HTT: variants seen among roughly 807,000 people sequenced by gnomAD.
The protein encoded by HTT is huntingtin, also known as huntington disease protein.
HTT carries 104 observed loss-of-function variants against 362.3 expected under a neutral mutation model. The ratio of observed to expected loss-of-function variants is 0.29; its 90% CI spans 0.24 to 0.34. The LOEUF is 0.34. Among genes scored for constraint, HTT ranks in the 10% least tolerant of loss-of-function variants. The pLI, the probability that HTT is intolerant of heterozygous loss-of-function variation, is 1.00. For synonymous variants in HTT, 1,577 were observed against 1,548.7 expected (o/e 1.02, Z -0.43); for missense variants, 3,301 against 3,928.6 (o/e 0.84, Z 4.27).
At chr4:3,172,516 G>T (rs1207869277) in intron 30 of HTT, 119 bp downstream of exon 30, 6 of 778,172 alleles carry the variant, frequency 7.7e-6, no homozygotes, top group Non-Finnish European at 1.4e-5. Context: ...GTGGGGTCCA[G>T]CGCAGCACTT....
chr4:3,157,180 C>G lies in HTT; in HGVS notation c.3734C>G (p.Ala1245Gly), dbSNP rs1452919225. The G allele has an allele frequency of 1.2e-6, 2 of 1,613,628 alleles. No individual in the cohort carries two copies. The highest frequency in any genetic ancestry group is 1.7e-6 in the Non-Finnish European group (2 of 1,179,784). Residue 1245 changes from alanine (A) to glycine (G), a missense_variant, in exon 28 of 67, where the codon GCT becomes GGT. By Grantham distance (60) the Ala-to-Gly change is moderately conservative. Transcript: ENST00000355072. Reference protein sequence around the residue: ...SYLKLHDVLKATHANYKVTLD... With the variant: ...SYLKLHDVLKGTHANYKVTLD... The stretch of plus-strand genomic sequence containing the variant: ...CTCAAACTGCATGATGTCCTGAAAG[C>G]TACACACGCTAACTACAAGGTATGG...
At chr4:3,234,491 AGCCCCAGAACAG>A (rs1219489498) in intron 61 of HTT, among the ~76,000 whole-genome samples, 1 of 152,238 alleles carries the variant, frequency 6.6e-6, no homozygotes, top group South Asian at 2.1e-4. Context: ...TTTGGGGGGC[AGCCCCAGAACAG>A]GCCCCAGACA....
intron 8 of HTT, among the ~76,000 whole-genome samples, chr4:3,118,196 G>A (rs1715124483): frequency 6.6e-6 from 1 of 152,092 alleles, no homozygotes; most frequent in South Asian, 2.1e-4. Flanking sequence ...CAGATTTAGT[G>A]TATATTTTAT....
rs369624996 is a variant in HTT at position 3,228,728 on chromosome 4, G to A, written c.7962G>A (p.Thr2654=). The A allele has an allele frequency of 5.0e-5, 79 of 1,595,236 alleles. No homozygotes were observed. Among genetic ancestry groups the A allele is most frequent in the Non-Finnish European group, 6.3e-5 (74 of 1,170,118 alleles). The change falls in exon 58 of 67, where the codon ACG becomes ACA. Residue 2654 remains threonine, a synonymous_variant. Coordinates refer to ENST00000355072, the MANE Select transcript of HTT (RefSeq NM_001388492.1). This position sits in a 1 kb window ranked among gnomAD's most constrained non-coding sequence, Gnocchi z 4.3. ...CCCCTGCACCTTCGTCACCACCCAC[G>A]TCTCCAGTCAACTCCAGGTTTTCCA... is the stretch of plus-strand genomic sequence containing the variant. The part of the protein sequence containing the change: ...ADAPAPSSPP[T]SPVNSRKHRA...
chr4:3,169,363 C>T (rs1717863903), intron 29 of HTT, among the ~76,000 whole-genome samples: 1 of 152,116 alleles, frequency 6.6e-6, no homozygotes, highest in East Asian at 1.9e-4. Context: ...TGCCTCCCTC[C>T]TTTTTTCCCT....
At chr4:3,101,177 G>T (rs1440583798) in intron 3 of HTT, among the ~76,000 whole-genome samples, 1 of 152,236 alleles carries the variant, frequency 6.6e-6, no homozygotes, top group Non-Finnish European at 1.5e-5. Context: ...GTCATTTAAT[G>T]TGTAAGTATT....
intron 40 of HTT, among the ~76,000 whole-genome samples, chr4:3,190,639 T>G (rs1718971628): frequency 6.6e-6 from 1 of 150,920 alleles, no homozygotes; most frequent in Non-Finnish European, 1.5e-5. Flanking sequence ...CAAGCTGTAG[T>G]GAGCCATGAT....
chr4:3,223,339 G>C lies in HTT; in HGVS notation c.7471-67G>C. On this transcript the variant is annotated intron_variant, in intron 54 of 66. Transcript: ENST00000355072. ...TCCCATTGAGGCAGGGAAGACTCTG[G>C]GTTCTGCAGGCAGAGGTGGTTGTGG... The C allele has an allele frequency of 6.9e-6, 10 of 1,447,950 alleles. 1 individual carries two copies. In the South Asian group the frequency reaches 1.4e-4, roughly 20 times the overall value. 89.7% of individuals were successfully genotyped at this position (1,447,950 alleles called of 1,614,324 possible). A position where few individuals can be genotyped will look rare whatever the true frequency, so the allele number is the denominator to read the frequency against.
intron 60 of HTT, among the ~76,000 whole-genome samples, chr4:3,231,706 G>A (rs1376829838): frequency 6.6e-6 from 1 of 152,070 alleles, no homozygotes; most frequent in African/African-American, 2.4e-5. Context: ...CTCTCTTCAC[G>A]GCGAACACCC....
At chr4:3,210,615 G>A (rs528800846) in intron 47 of HTT, among the ~76,000 whole-genome samples, 31 of 152,088 alleles carry the variant, frequency 2.0e-4, no homozygotes, top group Non-Finnish European at 4.1e-4. Context: ...GCAGTGGGGG[G>A]GCCACCTCTT....
chr4:3,121,207 C>T, intron 8 of HTT, 21 bp from the exon 9 acceptor site: 1 of 1,587,122 alleles, frequency 6.3e-7, no homozygotes, highest in Non-Finnish European at 8.7e-7. Context: ...GACCAGAACA[C>T]CTGTGTTTCT....
At chr4:3,097,358 G>A in intron 2 of HTT, among the ~76,000 whole-genome samples, 1 of 152,098 alleles carries the variant, frequency 6.6e-6, no homozygotes, top group Non-Finnish European at 1.5e-5. Flanking sequence ...TGAGGCAGGT[G>A]TGGTGGTTCA....
chr4:3,238,936 G>A lies in HTT; in HGVS notation c.9173G>A (p.Cys3058Tyr). Residue 3058 changes from cysteine to tyrosine, a missense_variant, in exon 66 of 67, where the codon TGC (cysteine) becomes TAC (tyrosine). Physicochemically the swap from Cys to Tyr is radical, Grantham distance 194. Transcript: ENST00000355072. ...GCCATGGCCACGTGGAGCCTCTCCT[G>A]CTTCTTTGTCAGCGCGTCCACCAGC... is the stretch of plus-strand genomic sequence containing the variant. ...PVAMATWSLS[C>Y]FFVSASTSPW... is the part of the protein sequence containing the mutation. 6.2e-7 allele frequency: 1 copy of A among 1,610,442 alleles called. No individual in the cohort carries two copies. Among genetic ancestry groups the A allele is most frequent in the Non-Finnish European group, 8.5e-7 (1 of 1,179,360 alleles).
intron 26 of HTT, among the ~76,000 whole-genome samples, chr4:3,150,893 G>A (rs1460670378): frequency 1.3e-5 from 2 of 152,152 alleles, no homozygotes; most frequent in African/African-American, 4.8e-5. Flanking sequence ...AAAAAAATTA[G>A]CCGGGTGTGG....
chr4:3,219,973 G>C (rs1439410996), intron 52 of HTT, among the ~76,000 whole-genome samples: 1 of 152,186 alleles, frequency 6.6e-6, no homozygotes, highest in African/African-American at 2.4e-5. Flanking sequence ...AAGTGGGAGG[G>C]CAGAGCAGAT....
At chr4:3,126,420 ACT>A (rs1233800105) in intron 11 of HTT, among the ~76,000 whole-genome samples, 1 of 152,200 alleles carries the variant, frequency 6.6e-6, no homozygotes, top group Non-Finnish European at 1.5e-5. Context: ...AACTGAAGGT[ACT>A]AATAACTGGA....
chr4:3,203,089 T>C (rs1411694352), intron 41 of HTT: 1 of 152,238 alleles, frequency 6.6e-6, no homozygotes, highest in Non-Finnish European at 1.5e-5. Flanking sequence ...TAAAGTTCTG[T>C]CGCGTGTTGC....
chr4:3,242,456 AT>A lies in HTT; in HGVS notation c.*2398del, dbSNP rs1242405863. 2 of 152,252 alleles carry A rather than the reference AT, an allele frequency of 1.3e-5. No homozygotes were observed. The highest frequency in any genetic ancestry group is 2.4e-5 in the African/African-American group (1 of 41,466). 9.4% of individuals were successfully genotyped at this position (152,252 alleles called of 1,614,324 possible). ...CACACACCTCTCAAGACGGAGATGC[AT>A]GGCCTCTAAGAGTGCCCGTGTCGGT... On this transcript the variant is annotated 3_prime_UTR_variant, in exon 67 of 67. Transcript: ENST00000355072.
In HTT at chr4:3,212,671, G is replaced by A; in HGVS notation, c.6736G>A (p.Glu2246Lys). ...PSHLHLPPEK[E>K]KDIVKFVVAT... ...TCATTTGCACCTTCCTCCTGAGAAAGAGAAGGACATTGTGAAATTCGTGGT... is the reference window on the plus strand; with the variant it reads ...TCATTTGCACCTTCCTCCTGAGAAAAAGAAGGACATTGTGAAATTCGTGGT... The change falls in exon 49 of 67, where the codon GAG (glutamate) becomes AAG (lysine). Residue 2246 changes from glutamate (E) to lysine (K), a missense_variant. Around this residue, in one of 4 missense-constraint regions of HTT, gnomAD observed 220 missense variants for 218.5 expected, o/e 1.01. Coordinates refer to ENST00000355072, the MANE Select transcript of HTT (RefSeq NM_001388492.1). The A allele has an allele frequency of 6.2e-7, 1 of 1,614,252 alleles. No homozygotes were observed. Among genetic ancestry groups the A allele is most frequent in the Non-Finnish European group, 8.5e-7 (1 of 1,180,046 alleles).
Sources: gnomAD v4.1 joint callset for allele counts (sites outside exome capture counted in the v4.1 genomes callset) on GRCh38, gnomAD v4.1.1 for gene constraint, gnomAD v4.1.1 regional missense constraint, Gnocchi (gnomAD v3.1) non-coding constraint, MANE v1.5 for transcripts, NCBI Gene and HGNC (gene_info 2026-07-23, HGNC 2026-07-21) for gene names.